The following ASIC2 variants were observed in gnomAD, a reference collection of about 807,000 sequenced individuals.
ASIC2 encodes the protein acid-sensing ion channel 2.
A neutral mutation model predicts 57.3 loss-of-function variants in ASIC2; 25 were observed. The ratio of observed to expected loss-of-function variants is 0.44; its 90% CI spans 0.32 to 0.61. The LOEUF is 0.61. Ranked by LOEUF, ASIC2 falls within the 20% of genes least tolerant of loss-of-function variation. The pLI is 0.06. For missense variants in ASIC2, 641 were observed against 738.1 expected (o/e 0.87, Z 1.52); for synonymous variants, 319 against 307.5 (o/e 1.04, Z -0.39).
rs372209738 is a variant in ASIC2, at chr17:33,196,553, G to T, written c.709-84486C>A. The stretch of plus-strand genomic sequence containing the variant: ...TGGCCTGTCCTGGTGGAAGCAACTT[G>T]CCATTGTCCGAGGCATGAAGCTCCA... On this transcript the variant is annotated intron_variant, in intron 1 of 9. Transcript: ENST00000225823. Among the ~76,000 whole-genome samples the T allele has an allele frequency of 1.1e-3, 165 of 152,302 alleles. 2 individuals are homozygous for T. Among genetic ancestry groups the T allele is most frequent in the African/African-American group, 3.8e-3 (159 of 41,586 alleles).
intron 1 of ASIC2, chr17:34,005,329 G>C (rs1160151667): frequency 1.3e-5 from 2 of 152,086 alleles, no homozygotes; most frequent in Non-Finnish European, 2.9e-5. Context: ...ACAGATCATT[G>C]GTTTCTCGAT....
At chr17:33,182,205 C>T (rs1012003077) in intron 1 of ASIC2, among the ~76,000 whole-genome samples, 1 of 152,076 alleles carries the variant, frequency 6.6e-6, no homozygotes, top group African/African-American at 2.4e-5. Flanking sequence ...GGTCAGTGAA[C>T]ATTTGGAAGG....
At chr17:33,810,423 C>T (rs1912385714) in intron 1 of ASIC2, among the ~76,000 whole-genome samples, 1 of 152,168 alleles carries the variant, frequency 6.6e-6, no homozygotes, top group African/African-American at 2.4e-5. Context: ...GGGTGGGCAT[C>T]AGGAGGCATC....
chr17:33,110,273 C>A (rs1384581182), intron 2 of ASIC2, among the ~76,000 whole-genome samples: 4 of 152,138 alleles, frequency 2.6e-5, no homozygotes, highest in Non-Finnish European at 5.9e-5. Flanking sequence ...CTTTGGGGAC[C>A]AAGACTCCAC....
intron 1 of ASIC2, among the ~76,000 whole-genome samples, chr17:33,521,938 C>T (rs966943123): frequency 2.6e-5 from 4 of 152,204 alleles, no homozygotes; most frequent in Admixed American, 6.5e-5. Context: ...GGCAGGGAGG[C>T]CCTCTGGCAA....
At chr17:33,536,428 G>A (rs1312216411) in intron 1 of ASIC2, among the ~76,000 whole-genome samples, 3 of 152,128 alleles carry the variant, frequency 2.0e-5, no homozygotes, top group Non-Finnish European at 2.9e-5. Flanking sequence ...AGTTTTAGGC[G>A]GCCCATGGTG....
At chr17:33,751,515 T>A (rs1462222990) in intron 1 of ASIC2, among the ~76,000 whole-genome samples, 1 of 151,644 alleles carries the variant, frequency 6.6e-6, no homozygotes, top group Non-Finnish European at 1.5e-5. Flanking sequence ...AGACAGTAAT[T>A]TTTTCAAGGA....
intron 1 of ASIC2, among the ~76,000 whole-genome samples, chr17:33,350,925 T>C (rs761900191): frequency 1.4e-4 from 22 of 152,146 alleles, no homozygotes; most frequent in Non-Finnish European, 2.9e-4. Context: ...GGAAATGTGA[T>C]CTCTTTCTGT....
intron 1 of ASIC2, among the ~76,000 whole-genome samples, chr17:33,337,980 C>T (rs1299945491): frequency 6.6e-6 from 1 of 150,522 alleles, no homozygotes; most frequent in Admixed American, 6.6e-5. Flanking sequence ...AGATGTTTCT[C>T]TGAGGTGTTC....
At chr17:33,115,730 G>A (rs929215198) in intron 1 of ASIC2, among the ~76,000 whole-genome samples, 3 of 152,164 alleles carry the variant, frequency 2.0e-5, no homozygotes, top group African/African-American at 4.8e-5. Context: ...TTCCATTATA[G>A]TGTCTATCAA....
Position 33,998,458 on chromosome 17 carries a change from A to G in ASIC2, c.555+157520T>C, listed in dbSNP as rs1271453126. ...TTCTAGTTCCTTGAGGTATACAGTT[A>G]GCTTGTTTATTTAAAATCTTTCTTT... On this transcript the variant is annotated intron_variant, in intron 1 of 9. Coordinates refer to the ASIC2 transcript ENST00000359872. Among the ~76,000 whole-genome samples, 4 of 152,022 alleles carry G rather than the reference A, an allele frequency of 2.6e-5. No individual in the cohort carries two copies. In the East Asian group the frequency reaches 7.7e-4, roughly 29 times the overall value.
intron 1 of ASIC2, among the ~76,000 whole-genome samples, chr17:33,431,594 T>C (rs1309611806): frequency 1.3e-5 from 2 of 152,014 alleles, no homozygotes; most frequent in Non-Finnish European, 2.9e-5. Context: ...GACAGAGTCA[T>C]ATAAAAACTG....
rs187211384 is a variant in ASIC2 at position 33,235,995 on chromosome 17, C to A, written c.708+55413G>T. ...GGAACTACAGGCGTGCACCATCACA[C>A]CCAGCTAATCTTTTTATTTTTAGTA... is the stretch of plus-strand genomic sequence containing the variant. On this transcript the variant is annotated intron_variant, in intron 1 of 9. Transcript: ENST00000225823. Among the ~76,000 whole-genome samples the A allele has an allele frequency of 2.4e-3, 360 of 152,222 alleles. 4 individuals carry two copies. The highest frequency in any genetic ancestry group is 0.01 in the Middle Eastern group (3 of 294).
At chr17:33,868,070 C>T (rs932256280) in intron 1 of ASIC2, among the ~76,000 whole-genome samples, 3 of 152,094 alleles carry the variant, frequency 2.0e-5, no homozygotes, top group African/African-American at 4.8e-5. Context: ...GAGCTAGGAA[C>T]ATTTTTTTTT....
intron 1 of ASIC2, among the ~76,000 whole-genome samples, chr17:33,623,246 GTTTGTTTGTTT>G (rs1905862008): frequency 7.0e-5 from 1 of 14,232 alleles, no homozygotes; most frequent in South Asian, 1.9e-3. Flanking sequence ...GTTTTTTTTT[GTTTGTTTGTTT>G]GTTTGTTTGT....
At chr17:33,141,697 TC>T (rs1361169807) in intron 1 of ASIC2, among the ~76,000 whole-genome samples, 1 of 152,194 alleles carries the variant, frequency 6.6e-6, no homozygotes, top group Non-Finnish European at 1.5e-5. Flanking sequence ...CAGATATAAT[TC>T]CCATTACATG....
chr17:33,148,478 A>C (rs771637884), intron 1 of ASIC2, among the ~76,000 whole-genome samples: 1 of 152,236 alleles, frequency 6.6e-6, no homozygotes, highest in African/African-American at 2.4e-5. Context: ...GTATCAATGC[A>C]TCATTTCCAA....
intron 3 of ASIC2, among the ~76,000 whole-genome samples, chr17:33,042,697 G>A (rs2091934300): frequency 6.6e-6 from 1 of 152,198 alleles, no homozygotes. Context: ...GAACCCAGCA[G>A]ATCATACTTT....
intron 3 of ASIC2, among the ~76,000 whole-genome samples, chr17:33,033,232 C>T (rs139012212): frequency 6.4e-4 from 97 of 152,360 alleles, no homozygotes; most frequent in Non-Finnish European, 1.1e-3. Flanking sequence ...GCACCCACAG[C>T]TGCAGACCCA....
Sources: gnomAD v4.1 joint callset for allele counts (sites outside exome capture counted in the v4.1 genomes callset) on GRCh38, gnomAD v4.1.1 for gene constraint, MANE v1.5 for transcripts, NCBI Gene and HGNC (gene_info 2026-07-23, HGNC 2026-07-21) for gene names.